CEP250: variants seen among roughly 807,000 people sequenced by gnomAD.
The protein encoded by CEP250 is centrosome-associated protein CEP250.
In CEP250, 242 loss-of-function variants were observed where a neutral mutation model predicts 315.7. That is an observed-to-expected ratio of 0.77 (90% CI 0.69 to 0.85). The LOEUF (loss-of-function observed/expected upper bound fraction) is 0.85, where lower values mean the gene tolerates loss of function less well. Ranked by LOEUF, CEP250 falls within the 40% of genes least tolerant of loss-of-function variation. CEP250 has a pLI of 0.00. For synonymous variants in CEP250, 1,088 were observed against 1,175.0 expected, an observed-to-expected ratio of 0.93 and a Z score of 1.51; for missense variants, 2,515 against 2,886.4, an observed-to-expected ratio of 0.87 and a Z score of 2.95.
Position 35,514,184 on chromosome 20 carries a change from G to T in CEP250, c.*2558G>T, listed in dbSNP as rs1416640671. The T allele has an allele frequency of 6.6e-6, 1 of 152,312 alleles. No individual in the cohort carries two copies. Among genetic ancestry groups the T allele is most frequent in the Non-Finnish European group, 1.5e-5 (1 of 68,094 alleles). The allele number at this position is 152,312 out of a possible 1,614,324, so 9.4% of individuals were successfully genotyped here. On this transcript the variant is annotated 3_prime_UTR_variant, in exon 35 of 35. Transcript: ENST00000397527. ...CTTTGCCTAAGGGCATGAGGCCGGAGCCTCCTTTCCTGACCTTGTCACATG... is the reference window on the plus strand; with the variant it reads ...CTTTGCCTAAGGGCATGAGGCCGGATCCTCCTTTCCTGACCTTGTCACATG...
At chr20:35,487,594 C>T (rs1209787435) in intron 20 of CEP250, among the ~76,000 whole-genome samples, 1 of 151,976 alleles carries the variant, frequency 6.6e-6, no homozygotes, top group African/African-American at 2.4e-5. Flanking sequence ...TGCCAAGCAC[C>T]ATGCTGAATG....
rs1156916339 is a variant in CEP250, at chr20:35,478,034, C to T, written c.2027C>T (p.Ala676Val). The change falls in exon 17 of 35, where the codon GCT becomes GTT. Residue 676 changes from alanine to valine, a missense_variant. By Grantham distance (64) the Ala-to-Val change is moderately conservative. Coordinates refer to ENST00000397527, the MANE Select transcript of CEP250 (RefSeq NM_007186.6). Reference protein sequence around the residue: ...AQLQKAEEAGAELQADLRDIQ... With the variant: ...AQLQKAEEAGVELQADLRDIQ... ...CTGCAGAAAGCTGAGGAGGCTGGGG[C>T]TGAGCTGCAGGCAGATCTCAGGGAC... 3.1e-6 allele frequency: 5 copies of T among 1,613,972 alleles called. No individual in the cohort carries two copies. The African/African-American group carries it at 4.0e-5, about 13-fold the overall frequency.
chr20:35,511,982 C>G lies in CEP250; in HGVS notation c.*356C>G. The G allele has an allele frequency of 1.9e-6, 2 of 1,068,624 alleles. No homozygotes were observed. Among genetic ancestry groups the G allele is most frequent in the Non-Finnish European group, 2.3e-6 (2 of 882,980 alleles). The allele number at this position is 1,068,624 out of a possible 1,614,324, so 66.2% of individuals were successfully genotyped here. On this transcript the variant is annotated 3_prime_UTR_variant, in exon 35 of 35. Transcript: ENST00000397527. The stretch of plus-strand genomic sequence containing the variant: ...CTGGGATCTTTGCATTCATTTTCTG[C>G]TGCTGTCTCCACTTGTGCAGCTGGG...
chr20:35,502,848 C>T lies in CEP250; in HGVS notation c.4479C>T (p.Pro1493=). 6.2e-7 allele frequency: 1 copy of T among 1,613,668 alleles called. No homozygotes were observed. Among genetic ancestry groups the T allele is most frequent in the Non-Finnish European group, 8.5e-7 (1 of 1,179,862 alleles). ...EKCRSVLEHL[P]MAVQEREQKL... is the part of the protein sequence containing the mutation. ...GTAGGTCTGTTTTAGAGCATCTGCC[C>T]ATGGCCGTCCAGGAGCGAGAGCAGA... The change falls in exon 30 of 35, where the codon CCC becomes CCT. Residue 1493 remains proline (P), a synonymous_variant. Coordinates refer to ENST00000397527, the MANE Select transcript of CEP250 (RefSeq NM_007186.6).
At position 35,511,531 on chromosome 20, in the gene CEP250, C is replaced by T. The variant is rs369255727; in HGVS notation, c.7234C>T (p.Arg2412Cys). 15 of 1,613,992 alleles carry T rather than the reference C, an allele frequency of 9.3e-6. No homozygotes were observed. The Admixed American group carries it at 1.2e-4, about 13-fold the overall frequency. Reference protein sequence around the residue: ...PEATVLEAETRRLDESLTQSL... With the variant: ...PEATVLEAETCRLDESLTQSL... ...GGCCACTGTCCTGGAGGCAGAGACC[C>T]GCAGGCTGGATGAGTCCCTGACTCA... The change falls in exon 35 of 35, where the codon CGC (arginine) becomes TGC (cysteine). Residue 2412 changes from arginine (R) to cysteine (C), a missense_variant. Arg to Cys is a radical substitution (Grantham distance 180). Coordinates refer to ENST00000397527, the MANE Select transcript of CEP250 (RefSeq NM_007186.6).
chr20:35,469,691 G>GT (rs1393354918), intron 9 of CEP250, among the ~76,000 whole-genome samples, 199 bp from the exon 10 acceptor site: 1 of 151,970 alleles, frequency 6.6e-6, no homozygotes, highest in Admixed American at 6.6e-5. Flanking sequence ...TGTCTGAGTG[G>GT]TTTTTTGCTT....
intron 12 of CEP250, 145 bp from the exon 13 acceptor site, chr20:35,473,229 G>C: frequency 1.5e-6 from 1 of 650,238 alleles, no homozygotes; most frequent in Non-Finnish European, 2.6e-6. Flanking sequence ...CTGATGGCCT[G>C]TCTTCTTGAA....
intron 14 of CEP250, chr20:35,474,715 A>G (rs1161955324): frequency 6.5e-6 from 3 of 460,308 alleles, no homozygotes; most frequent in Non-Finnish European, 1.4e-5. Context: ...ACTTTGAGCT[A>G]GGCAGAAGCT....
Position 35,498,692 on chromosome 20 carries a change from C to T in CEP250, c.3753C>T (p.Asp1251=), listed in dbSNP as rs1159154873. 1 of 1,598,694 alleles carries T rather than the reference C, an allele frequency of 6.3e-7. No individual in the cohort carries two copies. The highest frequency in any genetic ancestry group is 1.4e-5 in the African/African-American group (1 of 73,680). Residue 1251 remains aspartate (D), a synonymous_variant, in exon 27 of 35, where the codon GAC becomes GAT. Coordinates refer to ENST00000397527, the MANE Select transcript of CEP250 (RefSeq NM_007186.6). ...VASALHKLHQ[D]LWKTQQTRDV... is the part of the protein sequence containing the mutation. ...CTGCCCTCCACAAGCTTCATCAAGACCTGTGGAAGACTCAACAGACCCGGG... is the reference window on the plus strand; with the variant it reads ...CTGCCCTCCACAAGCTTCATCAAGATCTGTGGAAGACTCAACAGACCCGGG...
At chr20:35,486,014 G>A (rs1023861029) in intron 20 of CEP250, among the ~76,000 whole-genome samples, 1 of 149,816 alleles carries the variant, frequency 6.7e-6, no homozygotes, top group Non-Finnish European at 1.5e-5. Flanking sequence ...TTTGCATTGG[G>A]TGAAAGATAG....
chr20:35,483,562 G>T (rs2063419656), intron 20 of CEP250, among the ~76,000 whole-genome samples: 1 of 150,684 alleles, frequency 6.6e-6, no homozygotes. Flanking sequence ...TTAGAGATGG[G>T]TCTTGCTATG....
rs769628175 is a variant in CEP250, at chr20:35,493,586, C to T, written c.3033+14C>T. On this transcript the variant is annotated intron_variant, in intron 23 of 34. Transcript: ENST00000397527. Reference sequence around the variant, plus strand: ...CTGCAGAAGCAGGTCCCCTCCTCCTCCCCACCAAGTCCCATGGTCCTTCCC... The same window carrying T: ...CTGCAGAAGCAGGTCCCCTCCTCCTTCCCACCAAGTCCCATGGTCCTTCCC... The T allele has an allele frequency of 6.6e-7, 1 of 1,519,470 alleles. No individual in the cohort carries two copies. The highest frequency in any genetic ancestry group is 8.8e-7 in the Non-Finnish European group (1 of 1,135,062). The allele number at this position is 1,519,470 out of a possible 1,614,324, so 94.1% of individuals were successfully genotyped here. A position where few individuals can be genotyped will look rare whatever the true frequency, so the allele number is the denominator to read the frequency against.
Position 35,498,713 on chromosome 20 carries a change from C to G in CEP250, c.3774C>G (p.Thr1258=), listed in dbSNP as rs1163778898. The change falls in exon 27 of 35, where the codon ACC becomes ACG. Residue 1258 remains threonine (T), a synonymous_variant. Transcript: ENST00000397527. ...LHQDLWKTQQ[T]RDVLRDQVQK... is the part of the protein sequence containing the mutation. ...AAGACCTGTGGAAGACTCAACAGAC[C>G]CGGGTATGTTTCTCTGCTCCCCTTT... The G allele has an allele frequency of 2.5e-6, 4 of 1,571,750 alleles. No individual in the cohort carries two copies. The highest frequency in any genetic ancestry group is 2.8e-5 in the African/African-American group (2 of 71,942).
rs750056511 is a variant in CEP250 at position 35,497,795 on chromosome 20, T to C, written c.3383T>C (p.Leu1128Pro). The change falls in exon 26 of 35, where the codon CTG (leucine) becomes CCG (proline). Residue 1128 changes from leucine (L) to proline (P), a missense_variant. Physicochemically the swap from Leu to Pro is moderately conservative, Grantham distance 98. Coordinates refer to ENST00000397527, the MANE Select transcript of CEP250 (RefSeq NM_007186.6). ...LAQEAQLLEE[L>P]EASHITEQQL... ...CAGGAAGCACAGCTGCTGGAGGAGC[T>C]GGAGGCGTCTCATATCACGGAGCAG... 71 of 1,560,844 alleles carry C rather than the reference T, an allele frequency of 4.5e-5. No homozygotes were observed. In the African/African-American group the frequency reaches 8.7e-4, roughly 19 times the overall value.
Position 35,498,086 on chromosome 20 carries a change from A to G in CEP250, c.3655+19A>G. On this transcript the variant is annotated intron_variant, in intron 26 of 34. Transcript: ENST00000397527. The stretch of plus-strand genomic sequence containing the variant: ...GAGCCAGGTGAGACAGCCTCCCCAG[A>G]ACTAGGTCCTTTGGGCCAAAGCCAG... 1 of 1,518,222 alleles carries G rather than the reference A, an allele frequency of 6.6e-7. No homozygotes were observed. The highest frequency in any genetic ancestry group is 1.4e-5 in the African/African-American group (1 of 72,342). 94.0% of individuals were successfully genotyped at this position (1,518,222 alleles called of 1,614,324 possible). A position where few individuals can be genotyped will look rare whatever the true frequency, so the allele number is the denominator to read the frequency against.
At chr20:35,487,595 A>G (rs2063553882) in intron 20 of CEP250, among the ~76,000 whole-genome samples, 1 of 152,064 alleles carries the variant, frequency 6.6e-6, no homozygotes, top group Non-Finnish European at 1.5e-5. Context: ...GCCAAGCACC[A>G]TGCTGAATGC....
At position 35,514,447 on chromosome 20, in the gene CEP250, C is replaced by T. The variant is rs1250553750; in HGVS notation, c.*2821C>T. On this transcript the variant is annotated 3_prime_UTR_variant, in exon 35 of 35. Coordinates refer to ENST00000397527, the MANE Select transcript of CEP250 (RefSeq NM_007186.6). ...GGAAAGGCCTGAAAGCAGGAGGGGA[C>T]AAGAGTCGTCAGAGGCTGGGCAATG... 2 of 152,344 alleles carry T rather than the reference C, an allele frequency of 1.3e-5. No homozygotes were observed. The highest frequency in any genetic ancestry group is 2.9e-5 in the Non-Finnish European group (2 of 68,152). The allele number at this position is 152,344 out of a possible 1,614,324, so 9.4% of individuals were successfully genotyped here.
At chr20:35,491,895 CAAAAAAAAAAAA>C (rs34747030) in intron 22 of CEP250, among the ~76,000 whole-genome samples, 30 of 63,928 alleles carry the variant, frequency 4.7e-4, no homozygotes, top group Admixed American at 4.0e-3. Context: ...GAGCGAGTCT[CAAAAAAAAAAAA>C]AAAAAAAAAA....
chr20:35,503,685 C>A lies in CEP250; in HGVS notation c.5316C>A (p.Leu1772=). 1 of 1,614,066 alleles carries A rather than the reference C, an allele frequency of 6.2e-7. No individual in the cohort carries two copies. The highest frequency in any genetic ancestry group is 8.5e-7 in the Non-Finnish European group (1 of 1,179,996). ...GGAAGGTAGGTGAGACCAGCCTCCT[C>A]CTGTCCCAGCGAGAGCAGGAAATAG... ...LHRKVGETSL[L]LSQREQEIVV... is the part of the protein sequence containing the mutation. The change falls in exon 30 of 35, where the codon CTC becomes CTA. Residue 1772 remains leucine (L), a synonymous_variant. Transcript: ENST00000397527. The surrounding 1 kb of genome is among the most constrained non-coding windows in gnomAD (Gnocchi z 4.2).
Sources: allele counts gnomAD v4.1 joint callset (sites outside exome capture counted in the v4.1 genomes callset), GRCh38; gene constraint gnomAD v4.1.1; non-coding constraint Gnocchi (gnomAD v3.1); transcripts MANE v1.5; gene names NCBI Gene and HGNC (gene_info 2026-07-23, HGNC 2026-07-21).